Variants in NBEA observed in about 807,000 individuals in gnomAD.
The protein encoded by NBEA is neurobeachin, also known as lysosomal-trafficking regulator 2.
Under a neutral mutation model 343.4 loss-of-function variants are expected in NBEA, and 44 were observed. That is an observed-to-expected ratio of 0.13 (90% CI 0.10 to 0.16). The LOEUF is 0.16. Ranked by LOEUF, NBEA falls within the 10% of genes least tolerant of loss-of-function variation. NBEA has a pLI of 1.00. For synonymous variants in NBEA, 1,175 were observed against 1,238.7 expected, an observed-to-expected ratio of 0.95 and a Z score of 1.08; for missense variants, 2,555 against 3,631.3, an observed-to-expected ratio of 0.70 and a Z score of 7.62.
At chr13:35,362,691 G>A (rs1012783062) in intron 38 of NBEA, among the ~76,000 whole-genome samples, 2 of 151,836 alleles carry the variant, frequency 1.3e-5, no homozygotes, top group Non-Finnish European at 2.9e-5. Context: ...CCTCACAGAA[G>A]GCTATGTTAT....
rs761378326 is a variant in NBEA at position 35,614,458 on chromosome 13, G to A, written c.7449+7880G>A. On this transcript the variant is annotated intron_variant, in intron 48 of 58. Transcript: ENST00000379939. ...GCCCTCAGCCATACCAATGAAAATTGGTTGTTTACAATCTCTTCTAGACTA... is the reference window on the plus strand; with the variant it reads ...GCCCTCAGCCATACCAATGAAAATTAGTTGTTTACAATCTCTTCTAGACTA... Among the ~76,000 whole-genome samples, 57 of 152,248 alleles carry A rather than the reference G, an allele frequency of 3.7e-4. 1 individual carries two copies. In the Middle Eastern group the frequency reaches 0.01, roughly 27 times the overall value.
chr13:35,537,180 C>T (rs1247981569), intron 41 of NBEA, among the ~76,000 whole-genome samples: 1 of 152,052 alleles, frequency 6.6e-6, no homozygotes, highest in Non-Finnish European at 1.5e-5. Context: ...GAATTTTTTT[C>T]AGCTCCAATA....
chr13:35,458,865 G>A (rs2046735080), intron 40 of NBEA, among the ~76,000 whole-genome samples: 1 of 152,044 alleles, frequency 6.6e-6, no homozygotes, highest in Non-Finnish European at 1.5e-5. Context: ...TATATCCAAT[G>A]GATTGTAATG....
At chr13:35,209,935 G>C (rs1049125848) in intron 32 of NBEA, among the ~76,000 whole-genome samples, 2 of 151,972 alleles carry the variant, frequency 1.3e-5, no homozygotes, top group African/African-American at 2.4e-5. Context: ...TATCTGGCTT[G>C]TCTGAAGACT....
chr13:35,212,874 C>T (rs1289375070), intron 33 of NBEA, among the ~76,000 whole-genome samples: 1 of 151,280 alleles, frequency 6.6e-6, no homozygotes, highest in Non-Finnish European at 1.5e-5. Flanking sequence ...AAATTGTGGG[C>T]TTTTTTTTGT....
chr13:35,063,074 C>T (rs754202612), intron 8 of NBEA, among the ~76,000 whole-genome samples: 18 of 152,054 alleles, frequency 1.2e-4, no homozygotes, highest in Non-Finnish European at 2.5e-4. Flanking sequence ...GTTGTAGACT[C>T]CTCTTTCAAA....
chr13:35,553,125 C>G (rs1384243792), intron 43 of NBEA, among the ~76,000 whole-genome samples: 1 of 152,084 alleles, frequency 6.6e-6, no homozygotes, highest in East Asian at 1.9e-4. Flanking sequence ...CTCCTGGACT[C>G]AAGCAATCCA....
At chr13:35,356,622 A>G (rs1281725065) in intron 38 of NBEA, among the ~76,000 whole-genome samples, 1 of 152,078 alleles carries the variant, frequency 6.6e-6, no homozygotes, top group African/African-American at 2.4e-5. Context: ...GTGACCGTTG[A>G]TTTTTTGTTT....
chr13:35,001,839 A>C (rs1374465406), intron 1 of NBEA, among the ~76,000 whole-genome samples: 2 of 152,182 alleles, frequency 1.3e-5, no homozygotes, highest in Non-Finnish European at 2.9e-5. Flanking sequence ...AAAGACGTGA[A>C]AAATGTTGAA....
intron 40 of NBEA, among the ~76,000 whole-genome samples, chr13:35,458,323 TC>T (rs2046698282): frequency 6.6e-6 from 1 of 152,176 alleles, no homozygotes; most frequent in South Asian, 2.1e-4. Context: ...TAGCTGTTCT[TC>T]CATGTTTTCT....
At chr13:35,091,326 A>G (rs377658824) in intron 10 of NBEA, among the ~76,000 whole-genome samples, 18 of 152,012 alleles carry the variant, frequency 1.2e-4, no homozygotes, top group East Asian at 9.7e-4. Flanking sequence ...CAGAACTGAA[A>G]ATATCAGGGA....
intron 44 of NBEA, among the ~76,000 whole-genome samples, chr13:35,556,162 T>C (rs2079562811): frequency 6.6e-6 from 1 of 152,020 alleles, no homozygotes; most frequent in African/African-American, 2.4e-5. Context: ...TACACATATA[T>C]ATCTTGAATA....
chr13:35,534,250 C>A (rs1175692586), intron 41 of NBEA, among the ~76,000 whole-genome samples: 2 of 152,168 alleles, frequency 1.3e-5, no homozygotes, highest in Non-Finnish European at 2.9e-5. Context: ...TCCTTTCATA[C>A]CTTTACCTCA....
chr13:35,451,218 G>A (rs548047496), intron 39 of NBEA, among the ~76,000 whole-genome samples: 31 of 152,250 alleles, frequency 2.0e-4, no homozygotes, highest in African/African-American at 7.5e-4. Flanking sequence ...CCGCCTCCCG[G>A]GTTCACGCCA....
intron 33 of NBEA, among the ~76,000 whole-genome samples, chr13:35,215,847 G>T (rs1170458774): frequency 6.6e-6 from 1 of 151,294 alleles, no homozygotes; most frequent in Non-Finnish European, 1.5e-5. Context: ...TTAAATTATA[G>T]ATTTAGTTTT....
chr13:35,212,287 T>C (rs1449587584), intron 33 of NBEA, among the ~76,000 whole-genome samples: 1 of 152,188 alleles, frequency 6.6e-6, no homozygotes, highest in Non-Finnish European at 1.5e-5. Flanking sequence ...CTCTGGCTTC[T>C]TTTGTTCAAC....
intron 34 of NBEA, among the ~76,000 whole-genome samples, chr13:35,236,406 TTTTTGTTTTG>T (rs147528572): frequency 0.2 from 29,359 of 146,926 alleles, 4,109 homozygotes; most frequent in African/African-American, 0.4. Context: ...CATTTAATCC[TTTTTGTTTTG>T]TTTTGTTTTG....
intron 30 of NBEA, among the ~76,000 whole-genome samples, chr13:35,192,931 T>C (rs1460903821): frequency 6.6e-6 from 1 of 151,982 alleles, no homozygotes; most frequent in African/African-American, 2.4e-5. Flanking sequence ...ATTATATTAA[T>C]GGAAAGTCAA....
intron 40 of NBEA, among the ~76,000 whole-genome samples, chr13:35,453,382 G>A (rs2046403205): frequency 6.6e-6 from 1 of 152,136 alleles, no homozygotes. Flanking sequence ...TTAAGTCTGT[G>A]ACCAAATGTT....
Sources: allele counts gnomAD v4.1 joint callset (sites outside exome capture counted in the v4.1 genomes callset), GRCh38; gene constraint gnomAD v4.1.1; transcripts MANE v1.5; gene names NCBI Gene and HGNC (gene_info 2026-07-23, HGNC 2026-07-21).